Variants in TRPC7 observed in about 807,000 individuals in gnomAD.
TRPC7 encodes the protein short transient receptor potential channel 7.
Under a neutral mutation model 90.1 loss-of-function variants are expected in TRPC7, and 42 were observed. That is an observed-to-expected ratio of 0.47 (90% CI 0.36 to 0.60). TRPC7 has a LOEUF of 0.60. Ranked by LOEUF, TRPC7 falls within the 20% of genes least tolerant of loss-of-function variation. The pLI is 0.00. For missense variants in TRPC7, 955 were observed against 1,112.3 expected, an observed-to-expected ratio of 0.86 and a Z score of 2.01; for synonymous variants, 451 against 436.3, an observed-to-expected ratio of 1.03 and a Z score of -0.42.
At chr5:136,224,700 C>T (rs1755572233) in intron 10 of TRPC7, among the ~76,000 whole-genome samples, 1 of 152,108 alleles carries the variant, frequency 6.6e-6, no homozygotes, top group Non-Finnish European at 1.5e-5. Context: ...TCTTAAAGCG[C>T]GAATACAATT....
chr5:136,351,905 T>C (rs1342240701), intron 2 of TRPC7, among the ~76,000 whole-genome samples: 8 of 152,218 alleles, frequency 5.3e-5, no homozygotes, highest in East Asian at 1.9e-4. Context: ...TAGCAACCCA[T>C]TGATAAACAG....
At chr5:136,270,833 GA>G (rs1757187220) in intron 4 of TRPC7, among the ~76,000 whole-genome samples, 1 of 152,148 alleles carries the variant, frequency 6.6e-6, no homozygotes, top group Non-Finnish European at 1.5e-5. Context: ...TAGCCTTTTG[GA>G]CTTGGGAACA....
intron 3 of TRPC7, among the ~76,000 whole-genome samples, chr5:136,313,879 G>A (rs1758922331): frequency 6.6e-6 from 1 of 152,132 alleles, no homozygotes; most frequent in Admixed American, 6.5e-5. Flanking sequence ...TGTTCATGGA[G>A]GGCTTCATTT....
rs577436964 is a variant in TRPC7, at chr5:136,251,719, C to T, written c.1509G>A (p.Val503=). 1.9e-6 allele frequency: 3 copies of T among 1,613,914 alleles called. No homozygotes were observed. The highest frequency in any genetic ancestry group is 1.7e-5 in the Admixed American group (1 of 60,018). ...FLKATEAQLY[V]DQHVQDDTLH... ...GCGTGTCGTCCTGCACGTGCTGGTC[C>T]ACGTACAGCTGTGCCTCCGTGGCCT... is the stretch of plus-strand genomic sequence containing the variant. The change falls in exon 6 of 12, where the codon GTG becomes GTA. Residue 503 remains valine, a synonymous_variant. Transcript: ENST00000513104.
At chr5:136,293,418 A>G (rs1220609396) in intron 3 of TRPC7, among the ~76,000 whole-genome samples, 1 of 152,216 alleles carries the variant, frequency 6.6e-6, no homozygotes, top group African/African-American at 2.4e-5. Context: ...AATCTCCTTA[A>G]GCTGATAAGC....
intron 7 of TRPC7, among the ~76,000 whole-genome samples, chr5:136,244,901 A>G (rs1237004981): frequency 6.6e-6 from 1 of 152,212 alleles, no homozygotes; most frequent in Non-Finnish European, 1.5e-5. Context: ...AGGGCGCTAT[A>G]GACCAATTCA....
intron 2 of TRPC7, among the ~76,000 whole-genome samples, chr5:136,327,917 A>T (rs182283201): frequency 6.6e-6 from 1 of 152,336 alleles, no homozygotes; most frequent in Admixed American, 6.5e-5. Context: ...TTTATTAATT[A>T]AAACTGGAAT....
intron 6 of TRPC7, among the ~76,000 whole-genome samples, chr5:136,250,506 G>C (rs1377165785): frequency 1.3e-5 from 2 of 152,162 alleles, no homozygotes; most frequent in African/African-American, 2.4e-5. Flanking sequence ...AGTATCTACT[G>C]TTCCTTCAAC....
intron 3 of TRPC7, among the ~76,000 whole-genome samples, chr5:136,283,290 C>G (rs893617741): frequency 7.9e-5 from 12 of 152,348 alleles, no homozygotes; most frequent in African/African-American, 2.2e-4. Flanking sequence ...TGCTTGCTTT[C>G]CATTGCTCCT....
intron 3 of TRPC7, among the ~76,000 whole-genome samples, chr5:136,281,613 C>T (rs1295606282): frequency 1.3e-5 from 2 of 152,152 alleles, no homozygotes; most frequent in Admixed American, 1.3e-4. Context: ...TGCAAACATT[C>T]ATGGGGTTGG....
chr5:136,305,200 C>T lies in TRPC7; in HGVS notation c.963+10397G>A, dbSNP rs567606539. Among the ~76,000 whole-genome samples, 5 of 152,314 alleles carry T rather than the reference C, an allele frequency of 3.3e-5. No individual in the cohort carries two copies. In the East Asian group the frequency reaches 9.7e-4, roughly 29 times the overall value. ...TATTCCTGATACCACACCTGACCCC[C>T]ATGACTGTATCTCTCTGATCCACCT... On this transcript the variant is annotated intron_variant, in intron 3 of 11. Transcript: ENST00000513104.
intron 2 of TRPC7, among the ~76,000 whole-genome samples, chr5:136,337,267 G>T (rs1373367845): frequency 1.3e-5 from 2 of 152,186 alleles, no homozygotes; most frequent in Non-Finnish European, 2.9e-5. Context: ...TCTTAGAGGA[G>T]ATACTATTTA....
chr5:136,216,778 C>G (rs1462980507), intron 10 of TRPC7, among the ~76,000 whole-genome samples: 1 of 152,218 alleles, frequency 6.6e-6, no homozygotes. Flanking sequence ...AAGTCAGGAT[C>G]AGGCTTGGAG....
At chr5:136,343,166 A>T (rs974242037) in intron 2 of TRPC7, among the ~76,000 whole-genome samples, 3 of 152,230 alleles carry the variant, frequency 2.0e-5, no homozygotes, top group African/African-American at 4.8e-5. Flanking sequence ...AAAAGATGTA[A>T]TATAGAATAA....
chr5:136,338,640 A>G (rs1759744054), intron 2 of TRPC7, among the ~76,000 whole-genome samples: 2 of 152,170 alleles, frequency 1.3e-5, no homozygotes, highest in Non-Finnish European at 2.9e-5. Flanking sequence ...ATGAATAGAA[A>G]AGAAAGAGAG....
intron 4 of TRPC7, among the ~76,000 whole-genome samples, chr5:136,268,025 G>C (rs2149812925): frequency 6.6e-6 from 1 of 152,220 alleles, no homozygotes; most frequent in East Asian, 1.9e-4. Context: ...AGGTGATAGA[G>C]ATAGAGATAA....
intron 2 of TRPC7, among the ~76,000 whole-genome samples, chr5:136,326,475 T>C (rs1487981999): frequency 6.6e-6 from 1 of 152,100 alleles, no homozygotes; most frequent in Non-Finnish European, 1.5e-5. Context: ...TTCAGTGCAA[T>C]AGAAATAAAA....
At chr5:136,262,572 A>C (rs1321799130) in intron 5 of TRPC7, among the ~76,000 whole-genome samples, 1 of 152,196 alleles carries the variant, frequency 6.6e-6, no homozygotes, top group Non-Finnish European at 1.5e-5. Flanking sequence ...TATTGGCTGG[A>C]TATTTGAAGA....
chr5:136,254,129 A>G lies in TRPC7; in HGVS notation c.1346-2247T>C, dbSNP rs187650304. ...TTCATAAGGTTTGAGGAAAGAAGCC[A>G]TCTCCATAACATAAAAGTACAAGGT... On this transcript the variant is annotated intron_variant, in intron 5 of 11. Transcript: ENST00000513104. Among the ~76,000 whole-genome samples the G allele has an allele frequency of 9.7e-4, 148 of 152,374 alleles. 2 individuals carry two copies. The highest frequency in any genetic ancestry group is 3.7e-3 in the Admixed American group (57 of 15,306).
Sources: gnomAD v4.1 joint callset for allele counts (sites outside exome capture counted in the v4.1 genomes callset) on GRCh38, gnomAD v4.1.1 for gene constraint, MANE v1.5 for transcripts, NCBI Gene and HGNC (gene_info 2026-07-23, HGNC 2026-07-21) for gene names.